Variants in ABCB10 observed in about 807,000 individuals in gnomAD.
ABCB10 encodes ATP binding cassette subfamily B member 10.
In ABCB10, 54 loss-of-function variants were observed where a neutral mutation model predicts 65.4. The ratio of observed to expected loss-of-function variants is 0.83; its 90% CI spans 0.66 to 1.04. The LOEUF (loss-of-function observed/expected upper bound fraction) is 1.04, where lower values mean the gene tolerates loss of function less well. ABCB10 is among the 50% of genes least tolerant of loss of function. ABCB10 has a pLI of 0.00. For missense variants in ABCB10, 846 were observed against 976.6 expected (o/e 0.87, Z 1.78); for synonymous variants, 418 against 406.5 (o/e 1.03, Z -0.34).
At chr1:229,523,807 C>T (rs1322971458) in intron 10 of ABCB10, among the ~76,000 whole-genome samples, 1 of 152,094 alleles carries the variant, frequency 6.6e-6, no homozygotes, top group Non-Finnish European at 1.5e-5. Flanking sequence ...TTAGGACAAG[C>T]CTCACACTTC....
At chr1:229,531,763 T>C (rs780784022) in intron 6 of ABCB10, 32 bp from the exon 7 acceptor site, 52 of 1,580,262 alleles carry the variant, frequency 3.3e-5, no homozygotes, top group Non-Finnish European at 4.2e-5. Flanking sequence ...CACACACATG[T>C]CCATCACTGG....
rs370533346 is a variant in ABCB10 at position 229,547,693 on chromosome 1, T to C, written c.727A>G (p.Ile243Val). ...VYLMQTSGQR[I>V]VNRLRTSLFS... is the part of the protein sequence containing the mutation. ...AATGAAGTTCTCAGCCTATTCACAA[T>C]GCGCTGACCTGCAAAAGCAAACACG... Residue 243 changes from isoleucine (I) to valine (V), a missense_variant, in exon 3 of 13, where the codon ATT becomes GTT. By Grantham distance (29) the Ile-to-Val change is conservative. Around this residue, in one of 2 missense-constraint regions of ABCB10, gnomAD observed 632 missense variants for 803.2 expected, o/e 0.79. Transcript: ENST00000344517. 1 of 1,614,140 alleles carries C rather than the reference T, an allele frequency of 6.2e-7. No homozygotes were observed. Among genetic ancestry groups the C allele is most frequent in the East Asian group, 2.2e-5 (1 of 44,860 alleles).
At position 229,521,631 on chromosome 1, in the gene ABCB10, C is replaced by A; in HGVS notation, c.1911G>T (p.Gly637=). 1 of 1,612,826 alleles carries A rather than the reference C, an allele frequency of 6.2e-7. No individual in the cohort carries two copies. Among genetic ancestry groups the A allele is most frequent in the East Asian group, 2.2e-5 (1 of 44,852 alleles). Residue 637 remains glycine, a synonymous_variant, in exon 11 of 13, where the codon GGG becomes GGT. Transcript: ENST00000344517. The part of the protein sequence containing the change: ...VGEKGVLLSG[G]QKQRIAIARA... ...GGGCAATCGCAATCCGCTGTTTCTG[C>A]CCACCTGACAAAGACAACATTTAAA...
At chr1:229,521,525 C>A in intron 11 of ABCB10, 67 bp downstream of exon 11, 7 of 1,455,234 alleles carry the variant, frequency 4.8e-6, no homozygotes, top group South Asian at 1.3e-5. Context: ...TAGTAAATTA[C>A]AAATTACAAG....
chr1:229,527,407 A>C, intron 8 of ABCB10, 99 bp from the exon 9 acceptor site: 1 of 1,058,330 alleles, frequency 9.4e-7, no homozygotes, highest in Non-Finnish European at 1.4e-6. Flanking sequence ...CTCATTTTTT[A>C]AAGATCAAAA....
chr1:229,520,152 A>G (rs1207717206), intron 11 of ABCB10, among the ~76,000 whole-genome samples: 1 of 151,946 alleles, frequency 6.6e-6, no homozygotes, highest in African/African-American at 2.4e-5. Flanking sequence ...AATAAAATTA[A>G]ATTAAAATTA....
intron 10 of ABCB10, among the ~76,000 whole-genome samples, chr1:229,525,635 T>C (rs1662422177): frequency 6.6e-6 from 1 of 152,010 alleles, no homozygotes; most frequent in African/African-American, 2.4e-5. Context: ...GGTCAGGAGA[T>C]CAAGACTATC....
chr1:229,524,360 A>C (rs1662383124), intron 10 of ABCB10, among the ~76,000 whole-genome samples: 1 of 152,032 alleles, frequency 6.6e-6, no homozygotes, highest in South Asian at 2.1e-4. Context: ...AGGGGGTCTC[A>C]CCATGTTGCC....
chr1:229,522,099 T>A (rs369782975), intron 10 of ABCB10, among the ~76,000 whole-genome samples: 9 of 152,288 alleles, frequency 5.9e-5, no homozygotes, highest in East Asian at 5.8e-4. Flanking sequence ...GCTCAAGCAA[T>A]CCGCCCACCT....
intron 1 of ABCB10, among the ~76,000 whole-genome samples, chr1:229,551,179 CT>C (rs1055466692): frequency 6.6e-6 from 1 of 152,140 alleles, no homozygotes; most frequent in African/African-American, 2.4e-5. Context: ...AAACATGGGC[CT>C]TTTTAAGTGG....
intron 3 of ABCB10, among the ~76,000 whole-genome samples, chr1:229,545,868 G>A (rs1198696084): frequency 6.6e-6 from 1 of 152,154 alleles, no homozygotes; most frequent in East Asian, 1.9e-4. Flanking sequence ...TGAAGACAAT[G>A]AGGATAAATA....
At chr1:229,549,149 C>A (rs1440957749) in intron 2 of ABCB10, 85 bp downstream of exon 2, 1 of 1,411,500 alleles carries the variant, frequency 7.1e-7, no homozygotes, top group Admixed American at 1.7e-5. Flanking sequence ...GAGCCTGGAG[C>A]ACATGAGATT....
chr1:229,546,712 A>T (rs544417345), intron 3 of ABCB10, among the ~76,000 whole-genome samples: 13 of 151,144 alleles, frequency 8.6e-5, no homozygotes, highest in Middle Eastern at 3.4e-3. Context: ...CTCTACAAAA[A>T]ATATATATAT....
intron 8 of ABCB10, among the ~76,000 whole-genome samples, chr1:229,529,667 CAAAAAAAAAAAA>C (rs969766089): frequency 3.0e-4 from 7 of 23,210 alleles, no homozygotes; most frequent in Non-Finnish European, 3.2e-4. Context: ...AAGACTGTCT[CAAAAAAAAAAAA>C]AAAAAAAAAA....
At chr1:229,558,031 G>C in intron 1 of ABCB10, 105 bp downstream of exon 1, 1 of 1,190,382 alleles carries the variant, frequency 8.4e-7, no homozygotes, top group Non-Finnish European at 1.1e-6. Context: ...AGAGGCGGCG[G>C]TGACACGCGC....
At position 229,540,767 on chromosome 1, in the gene ABCB10, A is replaced by T. The variant is rs1225683589; in HGVS notation, c.1057-15T>A. ...TCCTCAGCTAGCTGGGAGAATAATA[A>T]ATACATTTCAGGAGGAGAAGGGTCA... On this transcript the variant is annotated splice_polypyrimidine_tract_variant and intron_variant, in intron 4 of 12. Transcript: ENST00000344517. 6.2e-7 allele frequency: 1 copy of T among 1,608,968 alleles called. No homozygotes were observed. The highest frequency in any genetic ancestry group is 8.5e-7 in the Non-Finnish European group (1 of 1,178,568).
At chr1:229,556,051 T>C (rs1571805742) in intron 1 of ABCB10, among the ~76,000 whole-genome samples, 2 of 150,324 alleles carry the variant, frequency 1.3e-5, no homozygotes, top group East Asian at 3.9e-4. Flanking sequence ...AATTTCTCAA[T>C]GTGGTGGAAC....
rs868173348 is a variant in ABCB10, at chr1:229,529,892, C to T, written c.1645+307G>A. The stretch of plus-strand genomic sequence containing the variant: ...TGCTGAGCACAGCCTCGTCCACCTG[C>T]TCCCAGTAGAGGGCATGTCCAGAGG... On this transcript the variant is annotated intron_variant, in intron 8 of 12. Coordinates refer to ENST00000344517, the MANE Select transcript of ABCB10 (RefSeq NM_012089.3). Among the ~76,000 whole-genome samples the T allele has an allele frequency of 5.3e-5, 8 of 152,080 alleles. No individual in the cohort carries two copies. In the South Asian group the frequency reaches 6.2e-4, roughly 12 times the overall value.
rs1662821157 is a variant in ABCB10 at position 229,540,644 on chromosome 1, T to A, written c.1165A>T (p.Arg389Trp). 6.2e-7 allele frequency: 1 copy of A among 1,612,250 alleles called. No individual in the cohort carries two copies. The highest frequency in any genetic ancestry group is 1.3e-5 in the African/African-American group (1 of 74,868). The change falls in exon 5 of 13, where the codon AGG (arginine) becomes TGG (tryptophan). Residue 389 changes from arginine to tryptophan, a missense_variant. Transcript: ENST00000344517. The part of the protein sequence containing the change: ...SKVDHVMQLA[R>W]KEAFARAGFF... ...CCAGCCCGGGCGAATGCCTCTTTCC[T>A]TGCTAACTGCATTACATGGTCCACT...
Sources: gnomAD v4.1 joint callset for allele counts (sites outside exome capture counted in the v4.1 genomes callset) on GRCh38, gnomAD v4.1.1 for gene constraint, gnomAD v4.1.1 regional missense constraint, MANE v1.5 for transcripts, NCBI Gene and HGNC (gene_info 2026-07-23, HGNC 2026-07-21) for gene names.